Variants in SANBR observed in about 807,000 individuals in gnomAD.
SANBR encodes SANT and BTB domain regulator of CSR, also known as SANT and BTB domain regulator of class switch recombination.
Under a neutral mutation model 101.8 loss-of-function variants are expected in SANBR, and 77 were observed. The observed-to-expected ratio is 0.76, with a 90% CI of 0.63 to 0.91. The LOEUF (loss-of-function observed/expected upper bound fraction) is 0.91. Ranked by LOEUF, SANBR falls within the 40% of genes least tolerant of loss-of-function variation. The probability of loss-of-function intolerance (pLI) is 0.00; values close to 1 mark genes in which losing one functional copy is unlikely to be tolerated. For missense variants in SANBR, 875 were observed against 853.0 expected (o/e 1.03, Z -0.32); for synonymous variants, 279 against 274.7 (o/e 1.02, Z -0.15).
At chr2:61,080,729 A>C (rs1301468505) in intron 6 of SANBR, among the ~76,000 whole-genome samples, 2 of 151,844 alleles carry the variant, frequency 1.3e-5, no homozygotes, top group Non-Finnish European at 2.9e-5. Context: ...CAAAAAAAAA[A>C]CAACAACAAA....
chr2:61,101,640 G>A (rs1364104568), intron 12 of SANBR, among the ~76,000 whole-genome samples: 1 of 151,492 alleles, frequency 6.6e-6, no homozygotes, highest in East Asian at 1.9e-4. Context: ...GGCTGAGGCA[G>A]GAGAATGGTG....
intron 6 of SANBR, among the ~76,000 whole-genome samples, chr2:61,080,857 A>C (rs1682084350): frequency 6.6e-6 from 1 of 152,222 alleles, no homozygotes; most frequent in South Asian, 2.1e-4. Flanking sequence ...TAATGATGCA[A>C]AACAGAGTTT....
At chr2:61,090,073 C>T (rs1682660675) in intron 10 of SANBR, among the ~76,000 whole-genome samples, 1 of 151,946 alleles carries the variant, frequency 6.6e-6, no homozygotes, top group Admixed American at 6.6e-5. Flanking sequence ...TCATTTGATC[C>T]CAGGAGTTTG....
intron 4 of SANBR, among the ~76,000 whole-genome samples, chr2:61,072,637 A>C (rs1282996172): frequency 6.6e-6 from 1 of 152,010 alleles, no homozygotes; most frequent in African/African-American, 2.4e-5. Flanking sequence ...GGTCAAATAC[A>C]ATCACCAAAA....
rs1013129343 is a variant in SANBR, at chr2:61,085,266, T to C, written c.890+1952T>C. ...GCCTCCCTAAAAGTGGTGAAGACAT[T>C]GTCCTATGTTTTTCTGTTATTCATC... On this transcript the variant is annotated intron_variant, in intron 8 of 21. Coordinates refer to ENST00000402291, the MANE Select transcript of SANBR (RefSeq NM_001129993.3). Among the ~76,000 whole-genome samples, 5 of 152,252 alleles carry C rather than the reference T, an allele frequency of 3.3e-5. No homozygotes were observed. In the East Asian group the frequency reaches 9.7e-4, roughly 29 times the overall value.
chr2:61,100,489 G>A (rs1474719368), intron 12 of SANBR, among the ~76,000 whole-genome samples: 1 of 152,184 alleles, frequency 6.6e-6, no homozygotes, highest in Non-Finnish European at 1.5e-5. Context: ...TATAAGGTGA[G>A]AAGGCACGGT....
intron 21 of SANBR, among the ~76,000 whole-genome samples, chr2:61,134,721 G>A (rs946578044): frequency 4.6e-5 from 7 of 151,668 alleles, no homozygotes; most frequent in South Asian, 2.1e-4. Flanking sequence ...TGAAACCCCC[G>A]TCTCTACTAA....
At chr2:61,066,651 C>G (rs1056383442) in intron 1 of SANBR, among the ~76,000 whole-genome samples, 1 of 152,234 alleles carries the variant, frequency 6.6e-6, no homozygotes, top group African/African-American at 2.4e-5. Flanking sequence ...GCCTGCCCCA[C>G]GGGGCCCCCT....
chr2:61,080,324 A>G (rs1343341113), intron 6 of SANBR, among the ~76,000 whole-genome samples: 1 of 152,164 alleles, frequency 6.6e-6, no homozygotes, highest in Non-Finnish European at 1.5e-5. Context: ...CAAAATGCTT[A>G]ATTAAATTTC....
At chr2:61,124,674 C>T (rs1020613084), downstream of SANBR, among the ~76,000 whole-genome samples, 5 of 151,156 alleles carry the variant, frequency 3.3e-5, no homozygotes, top group Non-Finnish European at 7.4e-5. Context: ...CCACTGCACT[C>T]CAGCCTGTGC....
chr2:61,135,060 C>T (rs756820625), intron 21 of SANBR, among the ~76,000 whole-genome samples: 1 of 152,074 alleles, frequency 6.6e-6, no homozygotes, highest in South Asian at 2.1e-4. Context: ...TGTGGTGGCA[C>T]GCGCCTGTAA....
intron 16 of SANBR, among the ~76,000 whole-genome samples, chr2:61,115,500 T>G (rs974188171): frequency 4.6e-5 from 7 of 152,124 alleles, no homozygotes; most frequent in Admixed American, 6.5e-5. Flanking sequence ...ACTTGGCTAA[T>G]TTTTGTACTT....
chr2:61,126,204 G>A (rs1684508159), downstream of SANBR, among the ~76,000 whole-genome samples: 3 of 152,132 alleles, frequency 2.0e-5, no homozygotes, highest in South Asian at 6.2e-4. Flanking sequence ...GCCTACCGAA[G>A]TGCACAAGGC....
chr2:61,115,954 T>C (rs1268101309), intron 16 of SANBR, 25 bp from the exon 17 acceptor site: 2 of 1,486,522 alleles, frequency 1.3e-6, no homozygotes, highest in South Asian at 2.4e-5. Context: ...GGCCTAAGTT[T>C]ATAACATTGT....
chr2:61,130,266 G>A (rs1684646122), intron 20 of SANBR, among the ~76,000 whole-genome samples: 1 of 152,112 alleles, frequency 6.6e-6, no homozygotes, highest in South Asian at 2.1e-4. Flanking sequence ...TTATAAAGGT[G>A]TACTGTGAAC....
intron 16 of SANBR, among the ~76,000 whole-genome samples, chr2:61,115,382 G>C (rs1684028686): frequency 6.7e-6 from 1 of 149,902 alleles, no homozygotes; most frequent in Non-Finnish European, 1.5e-5. Flanking sequence ...TCTATCACCA[G>C]GCTGAAATGG....
intron 21 of SANBR, 61 bp from the exon 22 acceptor site, chr2:61,122,065 G>A (rs2104974637): frequency 3.3e-6 from 5 of 1,535,390 alleles, no homozygotes; most frequent in East Asian, 2.4e-5. Context: ...ATCTAAAGGA[G>A]CACCAACTTC....
chr2:61,130,059 A>T lies in SANBR; in HGVS notation c.2029-4078A>T, dbSNP rs570068916. Among the ~76,000 whole-genome samples, 15 of 152,192 alleles carry T rather than the reference A, an allele frequency of 9.9e-5. No homozygotes were observed. The East Asian group carries it at 2.5e-3, about 25-fold the overall frequency. On this transcript the variant is annotated intron_variant, in intron 20 of 21. Coordinates refer to the SANBR transcript ENST00000295031. ...AAATGTGAAGCAGACTCTGATGTTA[A>T]GATGTATGTATGGTAATATATATAA...
chr2:61,067,483 A>G (rs1163050088), intron 1 of SANBR, among the ~76,000 whole-genome samples: 1 of 152,200 alleles, frequency 6.6e-6, no homozygotes, highest in Non-Finnish European at 1.5e-5. Flanking sequence ...CACGCCTGTA[A>G]TCCCAGCACT....
Sources: gnomAD v4.1 joint callset for allele counts (sites outside exome capture counted in the v4.1 genomes callset) on GRCh38, gnomAD v4.1.1 for gene constraint, MANE v1.5 for transcripts, NCBI Gene and HGNC (gene_info 2026-07-23, HGNC 2026-07-21) for gene names.